The following AGO2 variants were observed in gnomAD, a reference collection of about 807,000 sequenced individuals.
AGO2 encodes argonaute RISC catalytic component 2, also known as protein argonaute-2.
A neutral mutation model predicts 102.3 loss-of-function variants in AGO2; 5 were observed. The observed-to-expected ratio is 0.05, with a 90% CI of 0.03 to 0.10. AGO2 has a LOEUF of 0.10. AGO2 is among the 10% of genes least tolerant of loss of function. The probability of loss-of-function intolerance (pLI) is 1.00; values close to 1 mark genes in which losing one functional copy is unlikely to be tolerated. For missense variants in AGO2, 541 were observed against 1,183.7 expected (o/e 0.46, Z 7.97); for synonymous variants, 449 against 473.1 (o/e 0.95, Z 0.66).
chr8:140,616,022 A>C (rs2074138824), intron 1 of AGO2, among the ~76,000 whole-genome samples: 1 of 152,188 alleles, frequency 6.6e-6, no homozygotes, highest in Non-Finnish European at 1.5e-5. Context: ...GCGAGCCCTA[A>C]GCCAACAGGC....
intron 8 of AGO2, among the ~76,000 whole-genome samples, chr8:140,556,679 A>G (rs910400415): frequency 6.6e-6 from 1 of 152,122 alleles, no homozygotes; most frequent in African/African-American, 2.4e-5. Flanking sequence ...CCCTACCTGA[A>G]TGACAGGATC....
chr8:140,542,148 C>T (rs532208212), intron 14 of AGO2, among the ~76,000 whole-genome samples: 7 of 152,236 alleles, frequency 4.6e-5, no homozygotes, highest in Admixed American at 2.0e-4. Context: ...GGTTCTCTGT[C>T]GGGGGCCAAG....
chr8:140,631,618 G>C (rs1033959326), intron 1 of AGO2, among the ~76,000 whole-genome samples: 1 of 152,112 alleles, frequency 6.6e-6, no homozygotes, highest in Non-Finnish European at 1.5e-5. Flanking sequence ...GCTAGCTTTA[G>C]AGGCGGAAGG....
intron 1 of AGO2, among the ~76,000 whole-genome samples, chr8:140,626,120 G>C (rs1238358963): frequency 6.6e-6 from 1 of 152,176 alleles, no homozygotes; most frequent in Non-Finnish European, 1.5e-5. Context: ...CATGGCCCGG[G>C]GGGGCACAGC....
intron 1 of AGO2, among the ~76,000 whole-genome samples, chr8:140,631,996 T>A (rs1318627753): frequency 6.6e-6 from 1 of 152,234 alleles, no homozygotes; most frequent in Non-Finnish European, 1.5e-5. Context: ...AAAACTCAAA[T>A]GTTATGTTTT....
chr8:140,632,145 TAAA>T (rs2074350243), intron 1 of AGO2, among the ~76,000 whole-genome samples: 1 of 152,236 alleles, frequency 6.6e-6, no homozygotes, highest in African/African-American at 2.4e-5. Context: ...AACTAGAAGT[TAAA>T]AAATAATTCT....
chr8:140,561,877 G>A (rs1253707352), intron 4 of AGO2, among the ~76,000 whole-genome samples: 2 of 152,230 alleles, frequency 1.3e-5, no homozygotes, highest in African/African-American at 2.4e-5. Flanking sequence ...GGGCTGACGC[G>A]CTGAGCTGGC....
chr8:140,587,446 C>G (rs779184463), intron 1 of AGO2, among the ~76,000 whole-genome samples: 1 of 152,246 alleles, frequency 6.6e-6, no homozygotes, highest in East Asian at 1.9e-4. Flanking sequence ...ACTCCACTGC[C>G]AAGGACGCCT....
chr8:140,578,811 C>G (rs964431614), intron 2 of AGO2, among the ~76,000 whole-genome samples: 1 of 152,254 alleles, frequency 6.6e-6, no homozygotes. Flanking sequence ...CCAAGCAGCA[C>G]CCCGCACGGG....
intron 1 of AGO2, among the ~76,000 whole-genome samples, chr8:140,635,115 G>A (rs1471445466): frequency 6.8e-6 from 1 of 146,830 alleles, no homozygotes; most frequent in Non-Finnish European, 1.5e-5. Context: ...TCCGGGCCTC[G>A]GGCCTACACG....
At chr8:140,635,828 TGGGGCGGGGACCC>T (rs2074402859), upstream of AGO2, among the ~76,000 whole-genome samples, 1 of 36,814 alleles carries the variant, frequency 2.7e-5, no homozygotes, top group Non-Finnish European at 5.8e-5. Context: ...TGGCGGGGCC[TGGGGCGGGGACCC>T]GGGGAGGGGC....
In AGO2 at chr8:140,520,218, C is replaced by T. The variant is rs1159523643; in HGVS notation, c.*11826G>A. On this transcript the variant is annotated 3_prime_UTR_variant, in exon 19 of 19. Coordinates refer to ENST00000220592, the MANE Select transcript of AGO2 (RefSeq NM_012154.5). ...ATACTATGAGGCAAAACAAAATTGA[C>T]ACCATACAAAATAACTTTATAAAAT... The T allele has an allele frequency of 6.6e-6, 1 of 152,162 alleles. No individual in the cohort carries two copies. The highest frequency in any genetic ancestry group is 6.5e-5 in the Admixed American group (1 of 15,278). 9.4% of individuals were successfully genotyped at this position (152,162 alleles called of 1,614,324 possible).
intron 3 of AGO2, among the ~76,000 whole-genome samples, chr8:140,565,164 G>A (rs1444635279): frequency 6.6e-6 from 1 of 150,966 alleles, no homozygotes; most frequent in Non-Finnish European, 1.5e-5. Flanking sequence ...CAAAAGCCAG[G>A]CACGGTGGCT....
chr8:140,609,073 G>T (rs927530913), intron 1 of AGO2, among the ~76,000 whole-genome samples: 4 of 152,234 alleles, frequency 2.6e-5, no homozygotes, highest in Non-Finnish European at 5.9e-5. Context: ...TGTGCCAGGG[G>T]CCTCAGCGGG....
chr8:140,607,597 A>T (rs905021989), intron 1 of AGO2, among the ~76,000 whole-genome samples: 1 of 151,604 alleles, frequency 6.6e-6, no homozygotes, highest in African/African-American at 2.4e-5. Flanking sequence ...GTGGAATATT[A>T]CACACCCATG....
intron 1 of AGO2, chr8:140,592,587 C>T (rs902107100): frequency 6.6e-6 from 1 of 152,212 alleles, no homozygotes; most frequent in South Asian, 2.1e-4. Context: ...TAGGACAAAA[C>T]CATAAGGTAT....
chr8:140,591,615 C>T (rs909806042), intron 1 of AGO2: 3 of 152,218 alleles, frequency 2.0e-5, no homozygotes, highest in African/African-American at 2.4e-5. Context: ...ACCATCAACA[C>T]GGAATTTCCT....
In AGO2 at chr8:140,577,101, G is replaced by A. The variant is rs534026122; in HGVS notation, c.216-4169C>T. On this transcript the variant is annotated intron_variant, in intron 2 of 18. Coordinates refer to ENST00000220592, the MANE Select transcript of AGO2 (RefSeq NM_012154.5). ...CGGGCACCTGTAGTCCCAGCTACTC[G>A]GGAGGCTGAGGCACGAGAATGGCGT... Among the ~76,000 whole-genome samples the A allele has an allele frequency of 1.3e-3, 197 of 151,690 alleles. 1 individual carries two copies. The highest frequency in any genetic ancestry group is 4.6e-3 in the African/African-American group (189 of 41,278).
Position 140,572,841 on chromosome 8 carries a change from CTGT to C in AGO2, c.304_306del (p.Thr102del). 6.2e-7 allele frequency: 1 copy of C among 1,614,150 alleles called. No individual in the cohort carries two copies. The highest frequency in any genetic ancestry group is 8.5e-7 in the Non-Finnish European group (1 of 1,180,018). ...TCCCTCCCAATCGGAAGGGGCATGG[CTGT>C]GTATAGATTCTTCCTGCCGTCAAAC... On this transcript the variant is annotated inframe_deletion, in exon 3 of 19. Transcript: ENST00000220592.
Sources: gnomAD v4.1 joint callset for allele counts (sites outside exome capture counted in the v4.1 genomes callset) on GRCh38, gnomAD v4.1.1 for gene constraint, MANE v1.5 for transcripts, NCBI Gene and HGNC (gene_info 2026-07-23, HGNC 2026-07-21) for gene names.